Variants in ASTN2 observed in about 807,000 individuals in gnomAD.
The protein encoded by ASTN2 is astrotactin-2.
A neutral mutation model predicts 139.8 loss-of-function variants in ASTN2; 54 were observed. The ratio of observed to expected loss-of-function variants is 0.39; its 90% CI spans 0.31 to 0.48. ASTN2 has a LOEUF of 0.48. Ranked by LOEUF, ASTN2 falls within the 20% of genes least tolerant of loss-of-function variation. The pLI is 0.95. For missense variants in ASTN2, 1,565 were observed against 1,725.1 expected (o/e 0.91, Z 1.64); for synonymous variants, 756 against 719.5 (o/e 1.05, Z -0.81).
At chr9:117,156,182 G>A (rs1830429221) in intron 3 of ASTN2, among the ~76,000 whole-genome samples, 1 of 152,000 alleles carries the variant, frequency 6.6e-6, no homozygotes, top group African/African-American at 2.4e-5. Context: ...CAGGCTCCAC[G>A]ATGCATGCAT....
chr9:117,355,009 T>G (rs1829497660), intron 1 of ASTN2, among the ~76,000 whole-genome samples: 1 of 152,246 alleles, frequency 6.6e-6, no homozygotes, highest in Admixed American at 6.5e-5. Flanking sequence ...AAGCTCCTTG[T>G]CCTGTTTTTT....
chr9:116,860,601 A>G (rs1167525702), intron 11 of ASTN2, among the ~76,000 whole-genome samples: 1 of 152,192 alleles, frequency 6.6e-6, no homozygotes, highest in African/African-American at 2.4e-5. Context: ...CCTCCTTTCC[A>G]TGATTCTTCA....
At chr9:116,822,018 G>T (rs1037924714) in intron 11 of ASTN2, among the ~76,000 whole-genome samples, 3 of 151,952 alleles carry the variant, frequency 2.0e-5, no homozygotes, top group South Asian at 2.1e-4. Flanking sequence ...TGTCCACAAA[G>T]ATTAACACCC....
chr9:116,425,868 C>T lies in ASTN2; in HGVS notation c.4003G>A (p.Glu1335Lys). 1.2e-6 allele frequency: 2 copies of T among 1,614,142 alleles called. No homozygotes were observed. Among genetic ancestry groups the T allele is most frequent in the Non-Finnish European group, 8.5e-7 (1 of 1,180,038 alleles). Reference protein sequence around the residue: ...MVSMARNTYGESKGR With the variant: ...MVSMARNTYGKSKGR The stretch of plus-strand genomic sequence containing the variant: ...ACCCTCCCTCACCGGCCCTTGGACT[C>T]CCCGTACGTGTTTCGGGCCATTGAC... The change falls in exon 23 of 23, where the codon GAG (glutamate) becomes AAG (lysine). Residue 1335 changes from glutamate (E) to lysine (K), a missense_variant. By Grantham distance (56) the Glu-to-Lys change is moderately conservative (BLOSUM62 1). Around this residue, in one of 4 missense-constraint regions of ASTN2, gnomAD observed 418 missense variants for 465.8 expected, o/e 0.90. Transcript: ENST00000313400.
chr9:116,594,756 A>G (rs748692973), intron 19 of ASTN2, among the ~76,000 whole-genome samples: 29 of 152,220 alleles, frequency 1.9e-4, no homozygotes, highest in Admixed American at 3.9e-4. Context: ...TCTGCACCCA[A>G]TGTATGAAAC....
intron 16 of ASTN2, chr9:116,686,983 C>A (rs1005040525): frequency 6.9e-7 from 1 of 1,449,566 alleles, no homozygotes; most frequent in Non-Finnish European, 9.1e-7. Flanking sequence ...TTGCTGAGGA[C>A]TACCCTGGAG....
At chr9:116,644,754 T>C (rs115173254) in intron 17 of ASTN2, among the ~76,000 whole-genome samples, 6,551 of 152,260 alleles carry the variant, frequency 0.043, 495 homozygotes, top group African/African-American at 0.15. Context: ...GTATTAAATT[T>C]AAGGAGTAAA....
At chr9:117,015,060 C>A (rs2132600397) in intron 6 of ASTN2, among the ~76,000 whole-genome samples, 1 of 152,202 alleles carries the variant, frequency 6.6e-6, no homozygotes, top group Non-Finnish European at 1.5e-5. Context: ...CTCACCCAGG[C>A]TAGAGTGCAG....
chr9:116,972,498 A>G (rs987260268), intron 10 of ASTN2, among the ~76,000 whole-genome samples: 3 of 152,152 alleles, frequency 2.0e-5, no homozygotes, highest in African/African-American at 2.4e-5. Flanking sequence ...TCTGTTATAC[A>G]TATCCTTATG....
chr9:117,013,994 T>A (rs964347344), intron 6 of ASTN2, among the ~76,000 whole-genome samples: 3 of 152,126 alleles, frequency 2.0e-5, no homozygotes, highest in African/African-American at 7.2e-5. Flanking sequence ...ACAAATGAAG[T>A]GTAGAGACTG....
chr9:117,359,795 C>T (rs574284304), intron 1 of ASTN2, among the ~76,000 whole-genome samples: 1 of 152,248 alleles, frequency 6.6e-6, no homozygotes, highest in African/African-American at 2.4e-5. Context: ...GACATGGCCA[C>T]TCAGCTGTGG....
rs28711514 is a variant in ASTN2, at chr9:116,572,966, G to A, written c.3355+45358C>T. Among the ~76,000 whole-genome samples the A allele has an allele frequency of 8.3e-3, 1,260 of 151,882 alleles. 14 individuals carry two copies. Among genetic ancestry groups the A allele is most frequent in the African/African-American group, 0.028 (1,143 of 41,386 alleles). On this transcript the variant is annotated intron_variant, in intron 19 of 22. Transcript: ENST00000313400. ...ACAGCCTCAAGAGGAAGAGAAAGGTGCTGTGTGCACACATGTGGGTACATG... is the reference window on the plus strand; with the variant it reads ...ACAGCCTCAAGAGGAAGAGAAAGGTACTGTGTGCACACATGTGGGTACATG...
chr9:117,158,914 G>T (rs1278682568), intron 3 of ASTN2, among the ~76,000 whole-genome samples: 1 of 151,784 alleles, frequency 6.6e-6, no homozygotes, highest in Non-Finnish European at 1.5e-5. Flanking sequence ...TTCACTGCTT[G>T]CCCACCTTCA....
At chr9:116,931,035 ACCT>A (rs1220538756) in intron 10 of ASTN2, among the ~76,000 whole-genome samples, 1 of 151,956 alleles carries the variant, frequency 6.6e-6, no homozygotes, top group Non-Finnish European at 1.5e-5. Flanking sequence ...GACATCTTCG[ACCT>A]CATCTCCTAC....
chr9:117,148,460 A>C (rs1006925937), intron 3 of ASTN2, among the ~76,000 whole-genome samples: 1 of 152,186 alleles, frequency 6.6e-6, no homozygotes, highest in Admixed American at 6.6e-5. Flanking sequence ...GGTGTCATAA[A>C]ATAGCCACTT....
chr9:117,269,146 ATG>A (rs1217468525), intron 2 of ASTN2, among the ~76,000 whole-genome samples: 1 of 152,176 alleles, frequency 6.6e-6, no homozygotes, highest in Non-Finnish European at 1.5e-5. Flanking sequence ...TCTCCCAGCC[ATG>A]TGTTTCATTA....
At chr9:117,080,488 G>A (rs756476422) in intron 5 of ASTN2, among the ~76,000 whole-genome samples, 15 of 152,020 alleles carry the variant, frequency 9.9e-5, no homozygotes, top group Admixed American at 3.3e-4. Context: ...ATATAATGCC[G>A]AGTGAAAAAA....
intron 1 of ASTN2, among the ~76,000 whole-genome samples, chr9:117,370,921 A>C (rs1174987853): frequency 6.6e-6 from 1 of 152,156 alleles, no homozygotes; most frequent in Non-Finnish European, 1.5e-5. Flanking sequence ...ATCCCAAGGG[A>C]GGGCAAAAAC....
chr9:117,020,467 G>A (rs976892898), intron 6 of ASTN2, among the ~76,000 whole-genome samples: 4 of 151,766 alleles, frequency 2.6e-5, no homozygotes, highest in Non-Finnish European at 5.9e-5. Flanking sequence ...TCTCACTCTT[G>A]CCTTTGTCCT....
Sources: gnomAD v4.1 joint callset for allele counts (sites outside exome capture counted in the v4.1 genomes callset) on GRCh38, gnomAD v4.1.1 for gene constraint, gnomAD v4.1.1 regional missense constraint, MANE v1.5 for transcripts, NCBI Gene and HGNC (gene_info 2026-07-23, HGNC 2026-07-21) for gene names.